C2CD3: variants seen among roughly 807,000 people sequenced by gnomAD.
C2CD3 encodes the protein C2 domain containing 3 centriole elongation regulator, also known as C2 domain-containing protein 3.
C2CD3 carries 148 observed loss-of-function variants against 234.0 expected under a neutral mutation model. The observed-to-expected ratio is 0.63, with a 90% CI of 0.55 to 0.72. C2CD3 has a LOEUF of 0.72. Among genes scored for constraint, C2CD3 ranks in the 30% least tolerant of loss-of-function variants. The probability of loss-of-function intolerance (pLI) is 0.00; values close to 1 mark genes in which losing one functional copy is unlikely to be tolerated. For synonymous variants in C2CD3, 1,000 were observed against 1,035.4 expected (o/e 0.97, Z 0.66); for missense variants, 2,577 against 2,811.5 (o/e 0.92, Z 1.89).
intron 8 of C2CD3, among the ~76,000 whole-genome samples, chr11:74,119,909 T>C (rs554735554): frequency 7.9e-5 from 12 of 152,270 alleles, no homozygotes; most frequent in African/African-American, 2.9e-4. Context: ...GTGCTGGGAT[T>C]ACAGGCATGA....
intron 11 of C2CD3, 56 bp downstream of exon 11, chr11:74,113,724 A>C (rs1286143596): frequency 9.1e-7 from 1 of 1,103,358 alleles, no homozygotes; most frequent in East Asian, 2.4e-5. Flanking sequence ...TTAGGAATTC[A>C]AAAATTCTTC....
chr11:74,104,660 A>T (rs1956443281), intron 13 of C2CD3, among the ~76,000 whole-genome samples: 1 of 152,152 alleles, frequency 6.6e-6, no homozygotes, highest in Admixed American at 6.5e-5. Flanking sequence ...AGTAAAAAAG[A>T]AAAGGGAAGC....
chr11:74,080,084 C>T (rs1955273352), intron 22 of C2CD3, among the ~76,000 whole-genome samples: 2 of 152,102 alleles, frequency 1.3e-5, no homozygotes, highest in African/African-American at 4.8e-5. Context: ...TCAGATTTGG[C>T]TCCTCAATGA....
At chr11:74,072,430 C>A (rs1471254784) in intron 24 of C2CD3, among the ~76,000 whole-genome samples, 1 of 152,046 alleles carries the variant, frequency 6.6e-6, no homozygotes, top group East Asian at 1.9e-4. Context: ...TGAGAGACAC[C>A]AAAACAGAGA....
intron 17 of C2CD3, 34 bp from the exon 18 acceptor site, chr11:74,094,033 A>G: frequency 6.5e-7 from 1 of 1,540,408 alleles, no homozygotes; most frequent in South Asian, 1.1e-5. Context: ...GAATAATCCA[A>G]CATATGACTT....
At chr11:74,106,039 C>T (rs1956504048) in intron 13 of C2CD3, among the ~76,000 whole-genome samples, 1 of 152,162 alleles carries the variant, frequency 6.6e-6, no homozygotes, top group Admixed American at 6.5e-5. Flanking sequence ...TTGATGACTC[C>T]AAGCCCACTC....
At chr11:74,051,487 CACAGAGAAAAGG>C (rs1226067062) in intron 26 of C2CD3, among the ~76,000 whole-genome samples, 2 of 152,120 alleles carry the variant, frequency 1.3e-5, no homozygotes, top group African/African-American at 4.8e-5. Context: ...CTAAGCAGAT[CACAGAGAAAAGG>C]AATGGCTTGG....
chr11:74,045,525 A>G (rs115402283), intron 28 of C2CD3, among the ~76,000 whole-genome samples: 295 of 152,182 alleles, frequency 1.9e-3, no homozygotes, highest in Middle Eastern at 6.8e-3. Flanking sequence ...ATCCATAGAT[A>G]TGGGATGTCT....
At chr11:74,044,672 C>T (rs1953268618) in intron 28 of C2CD3, among the ~76,000 whole-genome samples, 1 of 152,086 alleles carries the variant, frequency 6.6e-6, no homozygotes, top group Non-Finnish European at 1.5e-5. Context: ...AAGCATATTA[C>T]CTAACAGTCA....
At position 74,133,476 on chromosome 11, in the gene C2CD3, A is replaced by G; in HGVS notation, c.1037T>C (p.Leu346Ser). 6.2e-7 allele frequency: 1 copy of G among 1,613,990 alleles called. No individual in the cohort carries two copies. The highest frequency in any genetic ancestry group is 8.5e-7 in the Non-Finnish European group (1 of 1,179,862). The change falls in exon 6 of 33, where the codon TTG (leucine) becomes TCG (serine). Residue 346 changes from leucine (L) to serine (S), a missense_variant. Leu to Ser is a moderately radical substitution (Grantham distance 145). Coordinates refer to ENST00000334126, the MANE Select transcript of C2CD3 (RefSeq NM_001286577.2). ...MKSSPETSML[L>S]DQVHPPINED... Reference sequence around the variant, plus strand: ...ATTAATAGGAGGATGAACTTGGTCCAACAACATGCTGGTCTCTGGGCTTGA... The same window carrying G: ...ATTAATAGGAGGATGAACTTGGTCCGACAACATGCTGGTCTCTGGGCTTGA...
chr11:74,073,681 T>C (rs1413068502), intron 24 of C2CD3, among the ~76,000 whole-genome samples: 1 of 152,076 alleles, frequency 6.6e-6, no homozygotes, highest in East Asian at 1.9e-4. Flanking sequence ...TTCTAAGATA[T>C]CTGCAATAAT....
At chr11:74,116,832 GTGTATATATACACGTGTATA>G (rs1565312184) in intron 9 of C2CD3, among the ~76,000 whole-genome samples, 1 of 141,128 alleles carries the variant, frequency 7.1e-6, no homozygotes, top group African/African-American at 2.6e-5. Context: ...ATATACGTGT[GTGTATATATACACGTGTATA>G]TGTGTATATA....
intron 7 of C2CD3, among the ~76,000 whole-genome samples, chr11:74,131,817 C>G (rs779080036): frequency 6.6e-6 from 1 of 152,084 alleles, no homozygotes; most frequent in Non-Finnish European, 1.5e-5. Context: ...GGTGATCCGC[C>G]CACCTTGGCC....
At chr11:74,071,829 T>G (rs1341834153) in intron 24 of C2CD3, among the ~76,000 whole-genome samples, 1 of 152,214 alleles carries the variant, frequency 6.6e-6, no homozygotes, top group Non-Finnish European at 1.5e-5. Flanking sequence ...AGAATAGAAC[T>G]CAGCACACAG....
In C2CD3 at chr11:74,139,641, T is replaced by G; in HGVS notation, c.671A>C (p.Glu224Ala). Residue 224 changes from glutamate to alanine, a missense_variant, in exon 4 of 33, where the codon GAG (glutamate) becomes GCG (alanine). By Grantham distance (107) the Glu-to-Ala change is moderately radical (BLOSUM62 -1). Coordinates refer to ENST00000334126, the MANE Select transcript of C2CD3 (RefSeq NM_001286577.2). ...DIHTIKIDGK[E>A]LAANSSRSTT... ...TGATCTACTGCTGTTGGCTGCTAAC[T>G]CTTTTCCATCAATTTTGATGGTATG... 1 of 1,614,000 alleles carries G rather than the reference T, an allele frequency of 6.2e-7. No individual in the cohort carries two copies.
intron 24 of C2CD3, among the ~76,000 whole-genome samples, chr11:74,063,111 C>G (rs938400919): frequency 3.2e-4 from 48 of 152,172 alleles, no homozygotes; most frequent in African/African-American, 1.1e-3. Flanking sequence ...AGACCAATAA[C>G]AGGTTCTGAA....
intron 22 of C2CD3, among the ~76,000 whole-genome samples, chr11:74,084,395 C>T (rs1019218440): frequency 2.0e-5 from 3 of 149,728 alleles, no homozygotes; most frequent in Non-Finnish European, 4.4e-5. Flanking sequence ...AACAAACCTG[C>T]ATGTTGTGCA....
At chr11:74,116,214 C>T (rs1956922295) in intron 9 of C2CD3, among the ~76,000 whole-genome samples, 1 of 152,124 alleles carries the variant, frequency 6.6e-6, no homozygotes, top group East Asian at 1.9e-4. Flanking sequence ...AAAATCTTCA[C>T]AATCTATACA....
chr11:74,077,456 C>A (rs1369228848), intron 23 of C2CD3, among the ~76,000 whole-genome samples: 1 of 151,912 alleles, frequency 6.6e-6, no homozygotes, highest in African/African-American at 2.4e-5. Context: ...AAAACAATCT[C>A]TTTAGGGATG....
Sources: gnomAD v4.1 joint callset for allele counts (sites outside exome capture counted in the v4.1 genomes callset) on GRCh38, gnomAD v4.1.1 for gene constraint, MANE v1.5 for transcripts, NCBI Gene and HGNC (gene_info 2026-07-23, HGNC 2026-07-21) for gene names.